Variants in ZNF44 observed in about 807,000 individuals in gnomAD.
ZNF44 encodes the protein gonadotropin inducible transcription repressor-2.
In ZNF44, 9 loss-of-function variants were observed where a neutral mutation model predicts 11.7. That is an observed-to-expected ratio of 0.77 (90% CI 0.46 to 1.35). The LOEUF (loss-of-function observed/expected upper bound fraction) is 1.35, where lower values mean the gene tolerates loss of function less well. Ranked by LOEUF, ZNF44 falls within the 40% of genes most tolerant of loss-of-function variation. The pLI, the probability that ZNF44 is intolerant of heterozygous loss-of-function variation, is 0.00. For missense variants in ZNF44, 696 were observed against 743.1 expected (o/e 0.94, Z 0.74); for synonymous variants, 224 against 242.7 (o/e 0.92, Z 0.72).
intron 1 of ZNF44, among the ~76,000 whole-genome samples, chr19:12,284,166 ATGAC>A (rs1967612759): frequency 6.6e-6 from 1 of 152,252 alleles, no homozygotes; most frequent in Admixed American, 6.5e-5. Context: ...AATGAATTAA[ATGAC>A]TGAGAATTAT....
In ZNF44 at chr19:12,272,791, A is replaced by G; in HGVS notation, c.1464T>C (p.Phe488=). 6.2e-7 allele frequency: 1 copy of G among 1,613,784 alleles called. No homozygotes were observed. The highest frequency in any genetic ancestry group is 8.5e-7 in the Non-Finnish European group (1 of 1,179,852). The change falls in exon 4 of 4, where the codon TTT becomes TTC. Residue 488 remains phenylalanine, a synonymous_variant. Coordinates refer to ENST00000355684, the MANE Select transcript of ZNF44 (RefSeq NM_016264.4). ...CKECGKAFSS[F]KYFCRHERTH... ...TCCTTTCATGGCGACAAAAGTATTT[A>G]AAAGAACTAAATGCTTTCCCACACT...
At chr19:12,265,920 C>A (rs1365282106) in intron 5 of ZNF44, among the ~76,000 whole-genome samples, 3 of 152,240 alleles carry the variant, frequency 2.0e-5, no homozygotes, top group African/African-American at 4.8e-5. Context: ...CATTCTAGAA[C>A]CTGGTGCACG....
At chr19:12,248,506 T>C (rs45515400) in exon 8 of ZNF44, 2 of 1,290,954 alleles carry the variant, frequency 1.5e-6, no homozygotes, top group Non-Finnish European at 2.0e-6. Flanking sequence ...TAAGATCTAA[T>C]GTGCCTGTTA....
chr19:12,251,440 G>A (rs1568428817), intron 5 of ZNF44, among the ~76,000 whole-genome samples: 2 of 152,076 alleles, frequency 1.3e-5, no homozygotes, highest in African/African-American at 2.4e-5. Context: ...GTTGCAGTGA[G>A]CTGAGATAGC....
intron 1 of ZNF44, among the ~76,000 whole-genome samples, chr19:12,292,008 G>C (rs1406269077): frequency 7.1e-6 from 1 of 141,132 alleles, no homozygotes; most frequent in Non-Finnish European, 1.6e-5. Flanking sequence ...AAAAAAAAAA[G>C]AAAAGAAAAG....
chr19:12,234,358 C>T (rs532118278), intron 2 of ZNF44, among the ~76,000 whole-genome samples: 225 of 152,238 alleles, frequency 1.5e-3, no homozygotes, highest in Non-Finnish European at 1.9e-3. Flanking sequence ...AAATTGATAA[C>T]ATGCAAAGAT....
At chr19:12,253,718 G>A (rs376069751) in intron 5 of ZNF44, among the ~76,000 whole-genome samples, 16 of 152,084 alleles carry the variant, frequency 1.1e-4, no homozygotes, top group African/African-American at 3.6e-4. Context: ...AGTGGCTCAC[G>A]CCTATAATCC....
chr19:12,251,869 T>G lies in ZNF44; in HGVS notation c.1913-1501A>C, dbSNP rs565473434. Among the ~76,000 whole-genome samples, 3 of 152,100 alleles carry G rather than the reference T, an allele frequency of 2.0e-5. No individual in the cohort carries two copies. The East Asian group carries it at 5.8e-4, about 29-fold the overall frequency. ...GAGTTTGAGACCAGCCTGACCAACA[T>G]GGAGAAACCCTGTCTCTACTAATAA... On this transcript the variant is annotated intron_variant and NMD_transcript_variant, in intron 5 of 7. Transcript: ENST00000393337.
intron 1 of ZNF44, chr19:12,284,699 C>G (rs1209708878): frequency 1.9e-5 from 14 of 734,322 alleles, no homozygotes; most frequent in Non-Finnish European, 2.4e-6. Flanking sequence ...CCATCGGGGA[C>G]TACAATGGCC....
intron 1 of ZNF44, chr19:12,293,247 G>T (rs1329252512): frequency 4.6e-6 from 7 of 1,536,544 alleles, no homozygotes; most frequent in Non-Finnish European, 5.2e-6. Context: ...CCTTTGGGAG[G>T]CCCCACTCCA....
At chr19:12,235,814 A>G (rs2145679713) in intron 1 of ZNF44, among the ~76,000 whole-genome samples, 1 of 152,306 alleles carries the variant, frequency 6.6e-6, no homozygotes, top group South Asian at 2.1e-4. Flanking sequence ...GGCAACTGTG[A>G]GTATCCTGGG....
In ZNF44 at chr19:12,272,436, T is replaced by G; in HGVS notation, c.1819A>C (p.Lys607Gln). 1 of 1,568,404 alleles carries G rather than the reference T, an allele frequency of 6.4e-7. No homozygotes were observed. The highest frequency in any genetic ancestry group is 8.6e-7 in the Non-Finnish European group (1 of 1,161,946). ...AGAATATCCTTCCAGTGTGTCCTTTTATGTCTATTAAAGGAACTGAGAGAA... is the reference window on the plus strand; with the variant it reads ...AGAATATCCTTCCAGTGTGTCCTTTGATGTCTATTAAAGGAACTGAGAGAA... ...FSSLSSFNRH[K>Q]RTHWKDIL Residue 607 changes from lysine (K) to glutamine (Q), a missense_variant, in exon 4 of 4, where the codon AAA (lysine) becomes CAA (glutamine). Transcript: ENST00000355684.
chr19:12,237,877 C>A (rs3106728), upstream of ZNF44: 9,267 of 151,372 alleles, frequency 0.061, 961 homozygotes, highest in African/African-American at 0.21. Context: ...CACAGTGGGC[C>A]CTGGCATCTT....
chr19:12,261,271 G>C (rs1259792365), intron 5 of ZNF44, among the ~76,000 whole-genome samples: 1 of 152,200 alleles, frequency 6.6e-6, no homozygotes, highest in Non-Finnish European at 1.5e-5. Flanking sequence ...TAAGGGAAGA[G>C]GATGAAGTGG....
downstream of ZNF44, among the ~76,000 whole-genome samples, chr19:12,267,036 C>CT (rs958864582): frequency 4.7e-5 from 7 of 147,656 alleles, no homozygotes; most frequent in Admixed American, 6.7e-5. Flanking sequence ...CTCATTTTTT[C>CT]TTTTTTCTTT....
chr19:12,288,683 G>C (rs1568458089), intron 1 of ZNF44, among the ~76,000 whole-genome samples: 1 of 149,330 alleles, frequency 6.7e-6, no homozygotes, highest in East Asian at 2.0e-4. Flanking sequence ...CGAGGTTGGA[G>C]GGAGGCGGAG....
intron 1 of ZNF44, chr19:12,293,117 G>A (rs1259797380): frequency 1.9e-5 from 25 of 1,284,574 alleles, no homozygotes; most frequent in Middle Eastern, 2.8e-4. Flanking sequence ...TGATCCGCCC[G>A]CCTCGGCTTC....
At chr19:12,260,389 C>G in intron 5 of ZNF44, 1 of 1,410,800 alleles carries the variant, frequency 7.1e-7, no homozygotes. Flanking sequence ...GCTGGCGTCA[C>G]GCTCAGCAGC....
At chr19:12,251,357 AG>A (rs1187401144) in intron 5 of ZNF44, among the ~76,000 whole-genome samples, 2 of 150,252 alleles carry the variant, frequency 1.3e-5, no homozygotes, top group African/African-American at 4.9e-5. Flanking sequence ...AGCTGGGTGT[AG>A]TGGTGCGCAT....
Sources: gnomAD v4.1 joint callset for allele counts (sites outside exome capture counted in the v4.1 genomes callset) on GRCh38, gnomAD v4.1.1 for gene constraint, MANE v1.5 for transcripts, NCBI Gene and HGNC (gene_info 2026-07-23, HGNC 2026-07-21) for gene names.